Variants in ABCG1 observed in about 807,000 individuals in gnomAD.
ABCG1 encodes the protein ATP-binding cassette sub-family G member 1.
In ABCG1, 29 loss-of-function variants were observed where a neutral mutation model predicts 69.2. That is an observed-to-expected ratio of 0.42 (90% CI 0.31 to 0.57). ABCG1 has a LOEUF of 0.57. Among genes scored for constraint, ABCG1 ranks in the 20% least tolerant of loss-of-function variants. ABCG1 has a pLI of 0.15. For missense variants in ABCG1, 718 were observed against 898.1 expected (o/e 0.80, Z 2.56); for synonymous variants, 370 against 374.8 (o/e 0.99, Z 0.15).
rs143877748 is a variant in ABCG1 at position 42,228,166 on chromosome 21, C to T, written c.286+2252C>T. On this transcript the variant is annotated intron_variant, in intron 2 of 14. Transcript: ENST00000398449. ...AGCCCCAACTGTCCATTCTTAGGAG[C>T]GCAGCCCGGGCGGGGTGGCCACCAG... Among the ~76,000 whole-genome samples, 910 of 152,270 alleles carry T rather than the reference C, an allele frequency of 6.0e-3. 9 individuals are homozygous for T. The highest frequency in any genetic ancestry group is 0.02 in the African/African-American group (830 of 41,550).
chr21:42,223,747 G>A (rs763998222), intron 1 of ABCG1, among the ~76,000 whole-genome samples: 10 of 152,350 alleles, frequency 6.6e-5, no homozygotes, highest in Admixed American at 1.3e-4. Context: ...GAGTGAGTGA[G>A]ACAGTGAGTG....
intron 2 of ABCG1, among the ~76,000 whole-genome samples, chr21:42,206,402 AC>A (rs2067543234): frequency 6.6e-6 from 1 of 151,538 alleles, no homozygotes; most frequent in African/African-American, 2.4e-5. Context: ...AAACAAACAA[AC>A]ACAATCTGTA....
At chr21:42,226,810 G>A (rs1381565084) in intron 2 of ABCG1, among the ~76,000 whole-genome samples, 1 of 152,178 alleles carries the variant, frequency 6.6e-6, no homozygotes, top group African/African-American at 2.4e-5. Flanking sequence ...ATCATGGAAA[G>A]CAATTTGAAA....
At chr21:42,257,303 G>A (rs2068322197) in intron 2 of ABCG1, among the ~76,000 whole-genome samples, 1 of 152,212 alleles carries the variant, frequency 6.6e-6, no homozygotes, top group South Asian at 2.1e-4. Flanking sequence ...TTTGCAGGCA[G>A]CTTTTTGGGA....
In ABCG1 at chr21:42,239,358, T is replaced by C. The variant is rs577123708; in HGVS notation, c.286+13444T>C. On this transcript the variant is annotated intron_variant, in intron 2 of 14. Coordinates refer to ENST00000398449, the MANE Select transcript of ABCG1 (RefSeq NM_016818.3). ...CCATGGCTACCCTTCTTATATGTGA[T>C]GTAATAAAATCATAATAGCTTAGAA... is the stretch of plus-strand genomic sequence containing the variant. Among the ~76,000 whole-genome samples the C allele has an allele frequency of 2.3e-4, 35 of 152,362 alleles. No homozygotes were observed. The South Asian group carries it at 6.6e-3, about 29-fold the overall frequency.
Position 42,287,317 on chromosome 21 carries a change from G to A in ABCG1, c.974-572G>A, listed in dbSNP as rs1222760275. ...GGAGTGGGGAGGTGACGATTGGGAT[G>A]CGAGAGGCAGGAGCAGCGGGCAGGG... On this transcript the variant is annotated intron_variant, in intron 8 of 14. Coordinates refer to ENST00000398449, the MANE Select transcript of ABCG1 (RefSeq NM_016818.3). This position sits in a 1 kb window ranked among gnomAD's most constrained non-coding sequence, Gnocchi z 6.2. 6.6e-6 allele frequency among the ~76,000 whole-genome samples: 1 copy of A among 152,188 alleles called. No individual in the cohort carries two copies. Among genetic ancestry groups the A allele is most frequent in the Non-Finnish European group, 1.5e-5 (1 of 68,022 alleles).
At chr21:42,268,720 A>G (rs2068562227) in intron 2 of ABCG1, among the ~76,000 whole-genome samples, 1 of 152,128 alleles carries the variant, frequency 6.6e-6, no homozygotes, top group Non-Finnish European at 1.5e-5. Flanking sequence ...CTGCAGCCCC[A>G]GTTGTGTGCA....
chr21:42,284,688 G>T lies in ABCG1; in HGVS notation c.858+5G>T. On this transcript the variant is annotated splice_donor_5th_base_variant and intron_variant, in intron 7 of 14. Transcript: ENST00000398449. ...CTCTTCGAGCTGTTCGACCAGGTAC[G>T]CGGGCCCCGGGCCCTCCCCGCCAGA... The T allele has an allele frequency of 6.2e-7, 1 of 1,612,090 alleles. No individual in the cohort carries two copies. The highest frequency in any genetic ancestry group is 8.5e-7 in the Non-Finnish European group (1 of 1,179,908).
chr21:42,291,408 C>A lies in ABCG1; in HGVS notation c.1495-90C>A. On this transcript the variant is annotated intron_variant, in intron 12 of 14. Transcript: ENST00000398449. The surrounding 1 kb of genome is among the most constrained non-coding windows in gnomAD (Gnocchi z 6.4). ...ACTTTGGGAGCTCTGGCGGGAGCTG[C>A]GGGGAAGGGCTGGCTGCCCAGGAGC... The A allele has an allele frequency of 6.6e-7, 1 of 1,522,766 alleles. No homozygotes were observed. Among genetic ancestry groups the A allele is most frequent in the Non-Finnish European group, 8.9e-7 (1 of 1,122,634 alleles). 94.3% of individuals were successfully genotyped at this position (1,522,766 alleles called of 1,614,324 possible). A position where few individuals can be genotyped will look rare whatever the true frequency, so the allele number is the denominator to read the frequency against.
Position 42,296,167 on chromosome 21 carries a change from T to C in ABCG1, c.1776T>C (p.Tyr592=). ...CATGCCTGGCCTTTCCTCCTAGGTA[T>C]GGGTTCGAAGGGGTCATCCTCTCCA... ...QWMSYISYVR[Y]GFEGVILSIY... The change falls in exon 15 of 15, where the codon TAT becomes TAC. Residue 592 remains tyrosine (Y), a synonymous_variant. Transcript: ENST00000398449. This position sits in a 1 kb window ranked among gnomAD's most constrained non-coding sequence, Gnocchi z 5.4. The C allele has an allele frequency of 6.2e-7, 1 of 1,613,716 alleles. No individual in the cohort carries two copies. Among genetic ancestry groups the C allele is most frequent in the South Asian group, 1.1e-5 (1 of 91,072 alleles).
chr21:42,212,010 G>A (rs978896097), upstream of ABCG1, among the ~76,000 whole-genome samples: 3 of 152,188 alleles, frequency 2.0e-5, no homozygotes, highest in African/African-American at 7.2e-5. Flanking sequence ...TTTGAAACAG[G>A]TTGAAAGGAG....
chr21:42,294,647 A>G lies in ABCG1; in HGVS notation c.1759A>G (p.Ile587Val). The change falls in exon 14 of 15, where the codon ATC becomes GTC. Residue 587 changes from isoleucine (I) to valine (V), a missense_variant. Ile to Val is a conservative substitution (Grantham distance 29). This residue lies in a region of ABCG1 where 204 missense variants were observed against 323.8 expected (regional missense o/e 0.63). Transcript: ENST00000398449. ...IPTYLQWMSY[I>V]SYVRYGFEGV... Reference sequence around the variant, plus strand: ...CACGTACCTACAGTGGATGTCCTACATCTCCTATGTCAGGTAGCGGGCGTG... The same window carrying G: ...CACGTACCTACAGTGGATGTCCTACGTCTCCTATGTCAGGTAGCGGGCGTG... 6.2e-7 allele frequency: 1 copy of G among 1,613,664 alleles called. No homozygotes were observed. Among genetic ancestry groups the G allele is most frequent in the Admixed American group, 1.7e-5 (1 of 60,020 alleles).
chr21:42,223,126 C>T (rs1024521822), intron 1 of ABCG1, among the ~76,000 whole-genome samples: 2 of 152,188 alleles, frequency 1.3e-5, no homozygotes, highest in Non-Finnish European at 2.9e-5. Context: ...TCTAAAGCCC[C>T]CTACTCTCCT....
At chr21:42,244,656 C>T (rs2068105390) in intron 2 of ABCG1, among the ~76,000 whole-genome samples, 1 of 152,134 alleles carries the variant, frequency 6.6e-6, no homozygotes, top group Admixed American at 6.5e-5. Context: ...AAAAATTATA[C>T]CTGGAACAGG....
chr21:42,205,925 A>C (rs570043593), intron 2 of ABCG1, among the ~76,000 whole-genome samples: 55 of 151,834 alleles, frequency 3.6e-4, no homozygotes, highest in Non-Finnish European at 7.7e-4. Context: ...CATTCAGGTA[A>C]ATGTATTTTT....
chr21:42,264,558 G>A (rs225391), intron 2 of ABCG1, among the ~76,000 whole-genome samples: 7,719 of 149,108 alleles, frequency 0.052, 275 homozygotes, highest in Middle Eastern at 0.092. Context: ...TCCATTCAGC[G>A]ACACTTGAGT....
chr21:42,277,586 T>A (rs2068733642), intron 5 of ABCG1, among the ~76,000 whole-genome samples: 1 of 152,126 alleles, frequency 6.6e-6, no homozygotes, highest in African/African-American at 2.4e-5. Flanking sequence ...TCACACACCC[T>A]CCACGGGAAA....
chr21:42,203,605 T>G (rs1424069192), intron 2 of ABCG1, among the ~76,000 whole-genome samples: 2 of 152,246 alleles, frequency 1.3e-5, no homozygotes, highest in Non-Finnish European at 2.9e-5. Flanking sequence ...GTTCCATTGG[T>G]CTTTGCGTCT....
chr21:42,291,340 T>TCGGGAGCTGTGG lies in ABCG1; in HGVS notation c.1495-145_1495-134dup. ...GGGAGCTGCGGGGAAGGGCCTGACT[T>TCGGGAGCTGTGG]CGGGAGCTGTGGCGGGAGCTGTGGG... On this transcript the variant is annotated intron_variant, in intron 12 of 14. Coordinates refer to ENST00000398449, the MANE Select transcript of ABCG1 (RefSeq NM_016818.3). This position sits in a 1 kb window ranked among gnomAD's most constrained non-coding sequence, Gnocchi z 6.4. 8.3e-7 allele frequency: 1 copy of TCGGGAGCTGTGG among 1,205,834 alleles called. No individual in the cohort carries two copies. The highest frequency in any genetic ancestry group is 1.2e-6 in the Non-Finnish European group (1 of 852,028). The allele number at this position is 1,205,834 out of a possible 1,614,324, so 74.7% of individuals were successfully genotyped here. A position where few individuals can be genotyped will look rare whatever the true frequency, so the allele number is the denominator to read the frequency against.
Sources: allele counts gnomAD v4.1 joint callset (sites outside exome capture counted in the v4.1 genomes callset), GRCh38; gene constraint gnomAD v4.1.1; regional missense constraint gnomAD v4.1.1; non-coding constraint Gnocchi (gnomAD v3.1); transcripts MANE v1.5; gene names NCBI Gene and HGNC (gene_info 2026-07-23, HGNC 2026-07-21).